Variants in GABRB2 observed in about 807,000 individuals in gnomAD.
The protein encoded by GABRB2 is gamma-aminobutyric acid receptor subunit beta-2.
In GABRB2, 16 loss-of-function variants were observed where a neutral mutation model predicts 54.7. The observed-to-expected ratio is 0.29, with a 90% CI of 0.20 to 0.44. GABRB2 has a LOEUF of 0.44. Ranked by LOEUF, GABRB2 falls within the 20% of genes least tolerant of loss-of-function variation. The pLI, the probability that GABRB2 is intolerant of heterozygous loss-of-function variation, is 1.00. For synonymous variants in GABRB2, 244 were observed against 233.8 expected (o/e 1.04, Z -0.40); for missense variants, 355 against 644.0 (o/e 0.55, Z 4.86).
At chr5:161,392,866 A>C (rs961326744) in intron 5 of GABRB2, among the ~76,000 whole-genome samples, 2 of 152,172 alleles carry the variant, frequency 1.3e-5, no homozygotes, top group African/African-American at 4.8e-5. Flanking sequence ...AAATTCATAA[A>C]AAAATTATTA....
At chr5:161,523,142 G>A (rs1760169174) in intron 3 of GABRB2, among the ~76,000 whole-genome samples, 1 of 151,300 alleles carries the variant, frequency 6.6e-6, no homozygotes, top group Admixed American at 6.6e-5. Context: ...AAGTAATTTG[G>A]ACCATATAAC....
chr5:161,546,433 T>TAAGCAGGCATCAATAAGG lies in GABRB2; in HGVS notation c.78-38_78-21dup. ...TTGACACTAAAGAAAGAAATGACAA[T>TAAGCAGGCATCAATAAGG]AAGCAGGCATCAATAAGGAAGCAGG... On this transcript the variant is annotated intron_variant, in intron 1 of 9. Transcript: ENST00000393959. 2 of 1,607,000 alleles carry TAAGCAGGCATCAATAAGG rather than the reference T, an allele frequency of 1.2e-6. No individual in the cohort carries two copies. The highest frequency in any genetic ancestry group is 1.7e-6 in the Non-Finnish European group (2 of 1,173,562).
rs549831274 is a variant in GABRB2, at chr5:161,379,322, AGAT to A, written c.541+31650_541+31652del. 5.8e-4 allele frequency among the ~76,000 whole-genome samples: 89 copies of A among 152,280 alleles called. 1 individual carries two copies. Among genetic ancestry groups the A allele is most frequent in the African/African-American group, 2.1e-3 (87 of 41,558 alleles). ...TTTTCATGATGTGGAGCTTACAATGAGATGCAAACACACCTCCTTAATATTCCA... is the reference window on the plus strand; with the variant it reads ...TTTTCATGATGTGGAGCTTACAATGAGCAAACACACCTCCTTAATATTCCA... On this transcript the variant is annotated intron_variant, in intron 5 of 9. Transcript: ENST00000393959.
intron 4 of GABRB2, among the ~76,000 whole-genome samples, chr5:161,420,130 ATCTC>A (rs1756805158): frequency 1.3e-5 from 2 of 152,114 alleles, no homozygotes; most frequent in African/African-American, 4.8e-5. Flanking sequence ...TCATTAAAAT[ATCTC>A]TCTAATATTT....
intron 3 of GABRB2, among the ~76,000 whole-genome samples, chr5:161,515,313 T>C (rs920981585): frequency 1.5e-4 from 23 of 152,286 alleles, no homozygotes; most frequent in African/African-American, 5.3e-4. Context: ...GGAACTGTTT[T>C]GTTTTCAGCA....
At chr5:161,429,747 G>C (rs1156282100) in intron 4 of GABRB2, among the ~76,000 whole-genome samples, 1 of 152,130 alleles carries the variant, frequency 6.6e-6, no homozygotes, top group African/African-American at 2.4e-5. Context: ...AGGGATTTAA[G>C]TCTAATCAAG....
At chr5:161,384,057 T>C (rs888339561) in intron 5 of GABRB2, among the ~76,000 whole-genome samples, 2 of 152,194 alleles carry the variant, frequency 1.3e-5, no homozygotes, top group East Asian at 1.9e-4. Context: ...CTGGGCCATA[T>C]AGACGATTTC....
At chr5:161,496,569 G>C (rs1759255979) in intron 3 of GABRB2, among the ~76,000 whole-genome samples, 1 of 151,492 alleles carries the variant, frequency 6.6e-6, no homozygotes, top group South Asian at 2.1e-4. Context: ...AAGAAAATAA[G>C]CCTAATCTAC....
intron 5 of GABRB2, among the ~76,000 whole-genome samples, chr5:161,406,671 G>T (rs1458279841): frequency 6.6e-6 from 1 of 151,984 alleles, no homozygotes; most frequent in Non-Finnish European, 1.5e-5. Flanking sequence ...TACCCCTGAA[G>T]AAAGAGGGTC....
chr5:161,495,327 T>C (rs1006579250), intron 3 of GABRB2, among the ~76,000 whole-genome samples: 7 of 151,858 alleles, frequency 4.6e-5, no homozygotes, highest in African/African-American at 1.7e-4. Flanking sequence ...ATAACAATAA[T>C]ATACAAAAAA....
chr5:161,306,233 T>C (rs755672161), intron 9 of GABRB2, among the ~76,000 whole-genome samples: 1 of 152,182 alleles, frequency 6.6e-6, no homozygotes, highest in Non-Finnish European at 1.5e-5. Flanking sequence ...TAGTTTTCTG[T>C]TGGAAGCAGA....
chr5:161,398,990 C>T (rs1431085552), intron 5 of GABRB2, among the ~76,000 whole-genome samples: 1 of 152,186 alleles, frequency 6.6e-6, no homozygotes, highest in East Asian at 1.9e-4. Context: ...TTTGCACCTG[C>T]CTTCTAGTTA....
chr5:161,393,337 A>C (rs1246235207), intron 5 of GABRB2, among the ~76,000 whole-genome samples: 1 of 53,954 alleles, frequency 1.9e-5, no homozygotes, highest in Non-Finnish European at 3.5e-5. Context: ...AAAAAAAAAA[A>C]AAAAAAAAGC....
chr5:161,468,474 G>A (rs1048022168), intron 3 of GABRB2, among the ~76,000 whole-genome samples: 1 of 151,990 alleles, frequency 6.6e-6, no homozygotes, highest in Non-Finnish European at 1.5e-5. Flanking sequence ...GTTCCTTCCT[G>A]GGACTCAGAG....
chr5:161,331,210 C>T, intron 7 of GABRB2, 83 bp from the exon 8 acceptor site: 1 of 1,434,162 alleles, frequency 7.0e-7, no homozygotes, highest in Non-Finnish European at 9.4e-7. Context: ...GATCTATATT[C>T]ATTTTCTCAT....
chr5:161,374,864 A>G lies in GABRB2; in HGVS notation c.541+36111T>C, dbSNP rs529985450. 1.0e-3 allele frequency among the ~76,000 whole-genome samples: 153 copies of G among 152,266 alleles called. 3 individuals carry two copies. The highest frequency in any genetic ancestry group is 3.5e-3 in the African/African-American group (147 of 41,552). On this transcript the variant is annotated intron_variant, in intron 5 of 9. Transcript: ENST00000393959. ...ATTACAGTATTATCTCCTTAAGCCC[A>G]ATAATTTTTTTAATTGCTTATATTC...
chr5:161,421,733 T>C (rs1756859724), intron 4 of GABRB2, among the ~76,000 whole-genome samples: 1 of 152,098 alleles, frequency 6.6e-6, no homozygotes, highest in Middle Eastern at 3.2e-3. Flanking sequence ...TATTTTCAGA[T>C]GGTGACAAAT....
chr5:161,322,564 T>C (rs1758243416), intron 9 of GABRB2, among the ~76,000 whole-genome samples: 1 of 152,188 alleles, frequency 6.6e-6, no homozygotes, highest in Non-Finnish European at 1.5e-5. Flanking sequence ...TCAGCATTTT[T>C]ATAATTAGAT....
In GABRB2 at chr5:161,316,474, AGTTACTGT is replaced by A. The variant is rs1327952430; in HGVS notation, c.1191+9886_1191+9893del. On this transcript the variant is annotated intron_variant, in intron 9 of 9. Coordinates refer to ENST00000393959, the MANE Select transcript of GABRB2 (RefSeq NM_001371727.1). ...GGTTTGCCTACACCCAAGGCAGGGC[AGTTACTGT>A]TCAGGCTTAACTATTCTTTCTTTTT... 2.6e-5 allele frequency among the ~76,000 whole-genome samples: 4 copies of A among 152,308 alleles called. No homozygotes were observed. In the South Asian group the frequency reaches 8.3e-4, roughly 32 times the overall value.
Sources: gnomAD v4.1 joint callset for allele counts (sites outside exome capture counted in the v4.1 genomes callset) on GRCh38, gnomAD v4.1.1 for gene constraint, MANE v1.5 for transcripts, NCBI Gene and HGNC (gene_info 2026-07-23, HGNC 2026-07-21) for gene names.